The following PRNP variants were observed in gnomAD, a reference collection of about 807,000 sequenced individuals.
PRNP encodes the protein prion protein (Kanno blood group).
In PRNP, 15 loss-of-function variants were observed where a neutral mutation model predicts 21.3. The observed-to-expected ratio is 0.71, with a 90% CI of 0.47 to 1.09. PRNP has a LOEUF of 1.09. PRNP is among the 50% of genes least tolerant of loss of function. The probability of loss-of-function intolerance (pLI) is 0.00; values close to 1 mark genes in which losing one functional copy is unlikely to be tolerated. For missense variants in PRNP, 285 were observed against 340.9 expected (o/e 0.84, Z 1.29); for synonymous variants, 121 against 123.1 (o/e 0.98, Z 0.11).
Position 4,699,653 on chromosome 20 carries a change from T to G in PRNP, c.433T>G (p.Tyr145Asp), listed in dbSNP as rs764076130. 1 of 1,614,064 alleles carries G rather than the reference T, an allele frequency of 6.2e-7. No individual in the cohort carries two copies. The highest frequency in any genetic ancestry group is 1.1e-5 in the South Asian group (1 of 91,072). Residue 145 changes from tyrosine (Y) to aspartate (D), a missense_variant, in exon 2 of 2, where the codon TAT (tyrosine) becomes GAT (aspartate). Coordinates refer to ENST00000379440, the MANE Select transcript of PRNP (RefSeq NM_000311.5). This position sits in a 1 kb window ranked among gnomAD's most constrained non-coding sequence, Gnocchi z 5.8. Reference sequence around the variant, plus strand: ...GCCCATCATACATTTCGGCAGTGACTATGAGGACCGTTACTATCGTGAAAA... The same window carrying G: ...GCCCATCATACATTTCGGCAGTGACGATGAGGACCGTTACTATCGTGAAAA... ...SRPIIHFGSD[Y>D]EDRYYRENMH...
At chr20:4,696,943 T>C (rs1457842177) in intron 1 of PRNP, among the ~76,000 whole-genome samples, 1 of 152,178 alleles carries the variant, frequency 6.6e-6, no homozygotes, top group Non-Finnish European at 1.5e-5. Flanking sequence ...CAGGTGTCTC[T>C]AAGAGCTCAT....
At position 4,699,513 on chromosome 20, in the gene PRNP, A is replaced by C. The variant is rs1320425680; in HGVS notation, c.293A>C (p.Gln98Pro). 6.2e-7 allele frequency: 1 copy of C among 1,613,936 alleles called. No homozygotes were observed. The highest frequency in any genetic ancestry group is 1.1e-5 in the South Asian group (1 of 91,070). ...GWGQGGGTHS[Q>P]WNKPSKPKTN... ...GGTCAAGGAGGTGGCACCCACAGTCAGTGGAACAAGCCGAGTAAGCCAAAA... is the reference window on the plus strand; with the variant it reads ...GGTCAAGGAGGTGGCACCCACAGTCCGTGGAACAAGCCGAGTAAGCCAAAA... The change falls in exon 2 of 2, where the codon CAG (glutamine) becomes CCG (proline). Residue 98 changes from glutamine to proline, a missense_variant. By Grantham distance (76) the Gln-to-Pro change is moderately conservative. Transcript: ENST00000379440. The surrounding 1 kb of genome is among the most constrained non-coding windows in gnomAD (Gnocchi z 5.8).
intron 1 of PRNP, among the ~76,000 whole-genome samples, chr20:4,689,173 G>A (rs1253613785): frequency 6.6e-6 from 1 of 152,080 alleles, no homozygotes; most frequent in African/African-American, 2.4e-5. Flanking sequence ...AACAATTTCA[G>A]CCATGTCTGA....
At chr20:4,691,063 A>G (rs1183806939) in intron 1 of PRNP, among the ~76,000 whole-genome samples, 1 of 152,222 alleles carries the variant, frequency 6.6e-6, no homozygotes, top group Non-Finnish European at 1.5e-5. Context: ...TGCCATTTAC[A>G]ATAGCTACAA....
chr20:4,700,111 A>G lies in PRNP; in HGVS notation c.*129A>G. The stretch of plus-strand genomic sequence containing the variant: ...CTCTTTGTCCCGGATAGGCTAATCA[A>G]TACCCTTGGCACTGATGGGCACTGG... On this transcript the variant is annotated 3_prime_UTR_variant, in exon 2 of 2. Transcript: ENST00000379440. This position sits in a 1 kb window ranked among gnomAD's most constrained non-coding sequence, Gnocchi z 4.1. The G allele has an allele frequency of 6.5e-7, 1 of 1,549,756 alleles. No individual in the cohort carries two copies.
chr20:4,687,202 C>G (rs1340662438), intron 1 of PRNP, among the ~76,000 whole-genome samples: 1 of 152,144 alleles, frequency 6.6e-6, no homozygotes, highest in Non-Finnish European at 1.5e-5. Flanking sequence ...GCGGCCGTTG[C>G]CACCGCCTGG....
chr20:4,688,049 G>T (rs1339336523), intron 1 of PRNP, among the ~76,000 whole-genome samples: 1 of 152,018 alleles, frequency 6.6e-6, no homozygotes, highest in African/African-American at 2.4e-5. Context: ...CAGGCAGAGG[G>T]GTAGGATGTG....
At position 4,697,579 on chromosome 20, in the gene PRNP, G is replaced by T. The variant is rs199830975; in HGVS notation, c.-10-1632G>T. 2.1e-4 allele frequency among the ~76,000 whole-genome samples: 32 copies of T among 152,302 alleles called. No homozygotes were observed. The East Asian group carries it at 5.8e-3, about 28-fold the overall frequency. Reference sequence around the variant, plus strand: ...AGGGAACAGCAAGTGCAACAGCCCTGAGACAGGATGGGCTTGTCAGTTTGA... The same window carrying T: ...AGGGAACAGCAAGTGCAACAGCCCTTAGACAGGATGGGCTTGTCAGTTTGA... On this transcript the variant is annotated intron_variant, in intron 1 of 1. Coordinates refer to ENST00000379440, the MANE Select transcript of PRNP (RefSeq NM_000311.5). This position sits in a 1 kb window ranked among gnomAD's most constrained non-coding sequence, Gnocchi z 4.6.
Position 4,686,522 on chromosome 20 carries a change from CGG to C in PRNP, c.-11+13_-11+14del, listed in dbSNP as rs991371158. On this transcript the variant is annotated intron_variant, in intron 1 of 1. Coordinates refer to ENST00000379440, the MANE Select transcript of PRNP (RefSeq NM_000311.5). The surrounding 1 kb of genome is among the most constrained non-coding windows in gnomAD (Gnocchi z 6.7). Reference sequence around the variant, plus strand: ...CTCACGACCGAGGCAGGTAAACGCCCGGGGTGGGAGGAACGCGGGCGGGGGCA... The same window carrying C: ...CTCACGACCGAGGCAGGTAAACGCCCGGTGGGAGGAACGCGGGCGGGGGCA... 1 of 151,818 alleles carries C rather than the reference CGG, an allele frequency of 6.6e-6. No individual in the cohort carries two copies. Among genetic ancestry groups the C allele is most frequent in the African/African-American group, 2.4e-5 (1 of 41,374 alleles). The allele number at this position is 151,818 out of a possible 1,614,324, so 9.4% of individuals were successfully genotyped here. A position where few individuals can be genotyped will look rare whatever the true frequency, so the allele number is the denominator to read the frequency against.
In PRNP at chr20:4,699,736, G is replaced by A. The variant is rs764133845; in HGVS notation, c.516G>A (p.Gln172=). Reference sequence around the variant, plus strand: ...GGCCCATGGATGAGTACAGCAACCAGAACAACTTTGTGCACGACTGCGTCA... The same window carrying A: ...GGCCCATGGATGAGTACAGCAACCAAAACAACTTTGTGCACGACTGCGTCA... ...YYRPMDEYSN[Q]NNFVHDCVNI... Residue 172 remains glutamine (Q), a synonymous_variant, in exon 2 of 2, where the codon CAG becomes CAA. Coordinates refer to ENST00000379440, the MANE Select transcript of PRNP (RefSeq NM_000311.5). The surrounding 1 kb of genome is among the most constrained non-coding windows in gnomAD (Gnocchi z 5.8). 6.2e-7 allele frequency: 1 copy of A among 1,613,998 alleles called. No individual in the cohort carries two copies. Among genetic ancestry groups the A allele is most frequent in the Non-Finnish European group, 8.5e-7 (1 of 1,179,992 alleles).
chr20:4,693,942 C>CA (rs34756298), intron 1 of PRNP, among the ~76,000 whole-genome samples: 9,324 of 124,236 alleles, frequency 0.075, 856 homozygotes, highest in African/African-American at 0.22. Flanking sequence ...ATTAAAAATA[C>CA]AAAAAAAAAA....
At chr20:4,690,636 T>C (rs2122203391) in intron 1 of PRNP, among the ~76,000 whole-genome samples, 1 of 152,376 alleles carries the variant, frequency 6.6e-6, no homozygotes, top group South Asian at 2.1e-4. Flanking sequence ...TATAATTTCA[T>C]AATGTCTTTT....
intron 1 of PRNP, among the ~76,000 whole-genome samples, chr20:4,696,988 A>G (rs956183203): frequency 8.5e-5 from 13 of 152,196 alleles, no homozygotes. Flanking sequence ...AATGAGGCAC[A>G]TTCAAAGCCC....
At chr20:4,696,938 GT>G (rs1922207961) in intron 1 of PRNP, among the ~76,000 whole-genome samples, 2 of 152,122 alleles carry the variant, frequency 1.3e-5, no homozygotes, top group African/African-American at 4.8e-5. Flanking sequence ...CTGTTCAGGT[GT>G]CTCTAAGAGC....
chr20:4,700,645 G>A lies in PRNP; in HGVS notation c.*663G>A. 5.3e-6 allele frequency: 1 copy of A among 187,062 alleles called. No individual in the cohort carries two copies. The highest frequency in any genetic ancestry group is 1.3e-5 in the Non-Finnish European group (1 of 79,190). The allele number at this position is 187,062 out of a possible 1,614,324, so 11.6% of individuals were successfully genotyped here. A position where few individuals can be genotyped will look rare whatever the true frequency, so the allele number is the denominator to read the frequency against. On this transcript the variant is annotated 3_prime_UTR_variant, in exon 2 of 2. Coordinates refer to ENST00000379440, the MANE Select transcript of PRNP (RefSeq NM_000311.5). The surrounding 1 kb of genome is among the most constrained non-coding windows in gnomAD (Gnocchi z 4.1). The stretch of plus-strand genomic sequence containing the variant: ...TCACAACACTGAACCTCTGGCTAGA[G>A]GACATATTCACAGTGAACATAACTG...
At position 4,699,586 on chromosome 20, in the gene PRNP, G is replaced by T. The variant is rs757409258; in HGVS notation, c.366G>T (p.Val122=). The stretch of plus-strand genomic sequence containing the variant: ...GTGCTGCAGCAGCTGGGGCAGTGGT[G>T]GGGGGCCTTGGCGGCTACATGCTGG... ...MAGAAAAGAV[V]GGLGGYMLGS... The change falls in exon 2 of 2, where the codon GTG becomes GTT. Residue 122 remains valine, a synonymous_variant. Transcript: ENST00000379440. The surrounding 1 kb of genome is among the most constrained non-coding windows in gnomAD (Gnocchi z 5.8). 2.2e-5 allele frequency: 36 copies of T among 1,613,890 alleles called. No homozygotes were observed. The highest frequency in any genetic ancestry group is 1.4e-4 in the South Asian group (13 of 91,076).
chr20:4,690,348 T>C (rs777430258), intron 1 of PRNP, among the ~76,000 whole-genome samples: 1 of 152,228 alleles, frequency 6.6e-6, no homozygotes, highest in Non-Finnish European at 1.5e-5. Flanking sequence ...TTAGTGCCTA[T>C]ATTTGGATCT....
chr20:4,694,939 A>G (rs1393180329), intron 1 of PRNP, among the ~76,000 whole-genome samples: 1 of 151,504 alleles, frequency 6.6e-6, no homozygotes, highest in East Asian at 1.9e-4. Context: ...TCTTAGGTAA[A>G]TGATCAGTTA....
At chr20:4,688,724 G>A (rs1436021533) in intron 1 of PRNP, among the ~76,000 whole-genome samples, 2 of 152,160 alleles carry the variant, frequency 1.3e-5, no homozygotes, top group East Asian at 1.9e-4. Flanking sequence ...GATATGTGGG[G>A]AAAAACTGAC....
Sources: gnomAD v4.1 joint callset for allele counts (sites outside exome capture counted in the v4.1 genomes callset) on GRCh38, gnomAD v4.1.1 for gene constraint, Gnocchi (gnomAD v3.1) non-coding constraint, MANE v1.5 for transcripts, NCBI Gene and HGNC (gene_info 2026-07-23, HGNC 2026-07-21) for gene names.